Variants in SLC8A1 observed in about 807,000 individuals in gnomAD.
The protein encoded by SLC8A1 is sodium/calcium exchanger 1.
SLC8A1 carries 18 observed loss-of-function variants against 68.3 expected under a neutral mutation model. That is an observed-to-expected ratio of 0.26 (90% CI 0.18 to 0.39). SLC8A1 has a LOEUF of 0.39. Among genes scored for constraint, SLC8A1 ranks in the 10% least tolerant of loss-of-function variants. SLC8A1 has a pLI of 1.00. For synonymous variants in SLC8A1, 475 were observed against 415.5 expected (o/e 1.14, Z -1.74); for missense variants, 985 against 1,156.7 (o/e 0.85, Z 2.15).
intron 6 of SLC8A1, among the ~76,000 whole-genome samples, chr2:40,156,297 A>G (rs2044470328): frequency 6.6e-6 from 1 of 152,004 alleles, no homozygotes; most frequent in Non-Finnish European, 1.5e-5. Context: ...ACCAAAAATC[A>G]GAAGTGTTAA....
At chr2:40,299,402 A>C (rs899888034) in intron 2 of SLC8A1, among the ~76,000 whole-genome samples, 2 of 152,140 alleles carry the variant, frequency 1.3e-5, no homozygotes, top group Non-Finnish European at 2.9e-5. Context: ...TCCTTTCTTG[A>C]CTTTTCTTTC....
intron 2 of SLC8A1, among the ~76,000 whole-genome samples, chr2:40,185,962 T>A (rs2050625882): frequency 1.3e-5 from 2 of 152,286 alleles, no homozygotes; most frequent in Admixed American, 1.3e-4. Flanking sequence ...GCCACTGCTG[T>A]GTCTGTCTGT....
At chr2:40,398,303 CAG>C (rs1347479261) in intron 2 of SLC8A1, among the ~76,000 whole-genome samples, 2 of 152,150 alleles carry the variant, frequency 1.3e-5, no homozygotes, top group Non-Finnish European at 2.9e-5. Context: ...GCACTACCAG[CAG>C]AGTCTTTTGA....
intron 2 of SLC8A1, among the ~76,000 whole-genome samples, chr2:40,230,392 T>G (rs1384810934): frequency 1.3e-5 from 2 of 152,160 alleles, no homozygotes; most frequent in African/African-American, 2.4e-5. Context: ...CATCAGTGCT[T>G]CTTTATAAGC....
chr2:40,224,306 G>C (rs1306557984), intron 2 of SLC8A1, among the ~76,000 whole-genome samples: 1 of 152,102 alleles, frequency 6.6e-6, no homozygotes, highest in Non-Finnish European at 1.5e-5. Flanking sequence ...CAGAGTCAGA[G>C]AGGCCAACAG....
chr2:40,289,371 T>C lies in SLC8A1; in HGVS notation c.1809-111516A>G, dbSNP rs544356554. Among the ~76,000 whole-genome samples, 3 of 152,258 alleles carry C rather than the reference T, an allele frequency of 2.0e-5. No individual in the cohort carries two copies. In the East Asian group the frequency reaches 5.8e-4, roughly 30 times the overall value. On this transcript the variant is annotated intron_variant, in intron 2 of 7. Coordinates refer to ENST00000406785, the Ensembl canonical transcript of SLC8A1. ...CCAACTTCTCTATTCAGGTTACAAATGTGATTTCACATTTGGGAGTTGTGA... is the reference window on the plus strand; with the variant it reads ...CCAACTTCTCTATTCAGGTTACAAACGTGATTTCACATTTGGGAGTTGTGA...
chr2:40,396,673 A>G (rs1576080126), intron 2 of SLC8A1, among the ~76,000 whole-genome samples: 1 of 151,150 alleles, frequency 6.6e-6, no homozygotes, highest in Non-Finnish European at 1.5e-5. Flanking sequence ...TTAAAAAGAA[A>G]AAAAGATTAC....
At chr2:40,168,911 G>T (rs1197118955) in intron 4 of SLC8A1, among the ~76,000 whole-genome samples, 1 of 152,160 alleles carries the variant, frequency 6.6e-6, no homozygotes, top group Non-Finnish European at 1.5e-5. Flanking sequence ...ACAACTTAAA[G>T]ATCAAATGCA....
chr2:40,372,449 C>T (rs533765895), intron 2 of SLC8A1, among the ~76,000 whole-genome samples: 1 of 152,244 alleles, frequency 6.6e-6, no homozygotes, highest in South Asian at 2.1e-4. Flanking sequence ...TTTGGGAAAT[C>T]TCACTGTCAT....
At chr2:40,230,346 T>C (rs1029790542) in intron 2 of SLC8A1, among the ~76,000 whole-genome samples, 2 of 152,198 alleles carry the variant, frequency 1.3e-5, no homozygotes, top group Non-Finnish European at 2.9e-5. Flanking sequence ...TAACACTTCC[T>C]GGAATGCTGT....
intron 6 of SLC8A1, among the ~76,000 whole-genome samples, chr2:40,151,466 T>C (rs2148379124): frequency 6.6e-6 from 1 of 152,334 alleles, no homozygotes; most frequent in South Asian, 2.1e-4. Flanking sequence ...GTTAGAGAAA[T>C]AGCGATGAAC....
intron 2 of SLC8A1, among the ~76,000 whole-genome samples, chr2:40,411,078 AG>A (rs1322232680): frequency 6.6e-6 from 1 of 152,084 alleles, no homozygotes; most frequent in Non-Finnish European, 1.5e-5. Context: ...TATGGCACTA[AG>A]ACTTTCATAC....
chr2:40,237,618 C>G (rs2060576906), intron 2 of SLC8A1, among the ~76,000 whole-genome samples: 1 of 152,122 alleles, frequency 6.6e-6, no homozygotes, highest in Non-Finnish European at 1.5e-5. Context: ...CAAAGTCATT[C>G]TCCATCCAGC....
intron 2 of SLC8A1, among the ~76,000 whole-genome samples, chr2:40,372,691 T>C (rs1168415738): frequency 2.0e-5 from 3 of 152,156 alleles, no homozygotes; most frequent in African/African-American, 2.4e-5. Flanking sequence ...TCCTGCATTC[T>C]TTCTATGTTG....
rs759433266 is a variant in SLC8A1, at chr2:40,174,764, A to G, written c.1930+61T>C. The G allele has an allele frequency of 6.9e-6, 11 of 1,583,312 alleles. No homozygotes were observed. In the Admixed American group the frequency reaches 1.5e-4, roughly 22 times the overall value. On this transcript the variant is annotated intron_variant, in intron 4 of 7. Coordinates refer to ENST00000406785, the Ensembl canonical transcript of SLC8A1. ...AAAATGAGAAATTTTTTTTAATGTA[A>G]TAACATCTGGTGAGAACAGACAGTA...
intron 2 of SLC8A1, among the ~76,000 whole-genome samples, chr2:40,411,609 C>T (rs1446323299): frequency 6.6e-6 from 1 of 151,572 alleles, no homozygotes; most frequent in Admixed American, 6.6e-5. Flanking sequence ...AAAACAAAAA[C>T]AATGTCAAAA....
intron 2 of SLC8A1, among the ~76,000 whole-genome samples, chr2:40,283,912 C>A (rs1488856829): frequency 6.6e-6 from 1 of 152,086 alleles, no homozygotes; most frequent in Admixed American, 6.6e-5. Flanking sequence ...TCTACTACCC[C>A]CCACCTTTTA....
intron 2 of SLC8A1, among the ~76,000 whole-genome samples, chr2:40,318,084 T>G (rs907025638): frequency 6.6e-6 from 1 of 152,138 alleles, no homozygotes; most frequent in Non-Finnish European, 1.5e-5. Context: ...TACTATCACA[T>G]GGAACACTTA....
rs560784786 is a variant in SLC8A1 at position 40,221,393 on chromosome 2, G to A, written c.1809-43538C>T. 4.7e-4 allele frequency among the ~76,000 whole-genome samples: 71 copies of A among 152,220 alleles called. No homozygotes were observed. The Middle Eastern group carries it at 0.017, about 36-fold the overall frequency. Reference sequence around the variant, plus strand: ...GATAGAACGTATTTCAAAATAATAAGAGCTATCTATGACAAACCCACAGCC... The same window carrying A: ...GATAGAACGTATTTCAAAATAATAAAAGCTATCTATGACAAACCCACAGCC... On this transcript the variant is annotated intron_variant, in intron 2 of 7. Transcript: ENST00000406785.
Sources: gnomAD v4.1 joint callset for allele counts (sites outside exome capture counted in the v4.1 genomes callset) on GRCh38, gnomAD v4.1.1 for gene constraint, MANE v1.5 for transcripts, NCBI Gene and HGNC (gene_info 2026-07-23, HGNC 2026-07-21) for gene names.